Variants in CPS1 observed in about 807,000 individuals in gnomAD.
CPS1 encodes the protein carbamoyl-phosphate synthase [ammonia], mitochondrial.
CPS1 carries 109 observed loss-of-function variants against 174.6 expected under a neutral mutation model. That is an observed-to-expected ratio of 0.62 (90% confidence interval 0.53 to 0.73). The LOEUF is 0.73. Among genes scored for constraint, CPS1 ranks in the 30% least tolerant of loss-of-function variants. The probability of loss-of-function intolerance (pLI) is 0.00; values close to 1 mark genes in which losing one functional copy is unlikely to be tolerated. For missense variants in CPS1, 1,689 were observed against 1,821.9 expected, an observed-to-expected ratio of 0.93 and a Z score of 1.33; for synonymous variants, 637 against 632.0, an observed-to-expected ratio of 1.01 and a Z score of -0.12.
chr2:210,564,958 G>A (rs991076113), intron 1 of CPS1, among the ~76,000 whole-genome samples: 1 of 151,608 alleles, frequency 6.6e-6, no homozygotes, highest in Non-Finnish European at 1.5e-5. Flanking sequence ...TCATGCCACT[G>A]CACTCCAGCT....
intron 1 of CPS1, among the ~76,000 whole-genome samples, chr2:210,547,067 A>G (rs934911903): frequency 2.0e-5 from 3 of 152,102 alleles, no homozygotes; most frequent in Admixed American, 6.6e-5. Context: ...TTGAAGAGCC[A>G]TCTTGGCCTG....
intron 6 of CPS1, among the ~76,000 whole-genome samples, chr2:210,585,254 A>G (rs1027730463): frequency 2.6e-5 from 4 of 152,020 alleles, no homozygotes; most frequent in Non-Finnish European, 4.4e-5. Context: ...AAGCCAGTAA[A>G]TGGTAGTTAC....
rs777273892 is a variant in CPS1, at chr2:210,576,342, C to T, written c.237-4C>T. The T allele has an allele frequency of 1.9e-6, 3 of 1,613,246 alleles. No homozygotes were observed. The highest frequency in any genetic ancestry group is 2.5e-6 in the Non-Finnish European group (3 of 1,179,472). On this transcript the variant is annotated splice_polypyrimidine_tract_variant and splice_region_variant and intron_variant, in intron 2 of 37. Coordinates refer to ENST00000233072, the MANE Select transcript of CPS1 (RefSeq NM_001875.5). ...GCTGATAATTTTTTGGCATGTTTAC[C>T]CAGGTACCCAGAAGCTATTACTGAC...
chr2:210,501,016 C>T (rs1695124926), intron 1 of CPS1, among the ~76,000 whole-genome samples: 1 of 152,194 alleles, frequency 6.6e-6, no homozygotes, highest in Non-Finnish European at 1.5e-5. Flanking sequence ...TCTGCACCCA[C>T]AGGCTCAACA....
rs916389428 is a variant in CPS1 at position 210,595,586 on chromosome 2, A to G, written c.1359+4A>G. ...TCAAGCTGTAAAAGCCATGAAGGTG[A>G]GAGAATATGATCCTTACTAGAATTA... On this transcript the variant is annotated splice_donor_region_variant and intron_variant, in intron 13 of 37. Transcript: ENST00000233072. 1.3e-6 allele frequency: 2 copies of G among 1,588,436 alleles called. No homozygotes were observed. Among genetic ancestry groups the G allele is most frequent in the Admixed American group, 3.3e-5 (2 of 59,758 alleles).
intron 1 of CPS1, among the ~76,000 whole-genome samples, chr2:210,516,873 A>G (rs1386065061): frequency 6.6e-6 from 1 of 152,122 alleles, no homozygotes; most frequent in Middle Eastern, 3.4e-3. Flanking sequence ...TGATTCTTCA[A>G]TATTTTTCCA....
At chr2:210,554,248 TAC>T (rs1239160877), upstream of CPS1, among the ~76,000 whole-genome samples, 1 of 147,968 alleles carries the variant, frequency 6.8e-6, no homozygotes, top group Non-Finnish European at 1.5e-5. Flanking sequence ...TGTATATATA[TAC>T]ACACACATAT....
chr2:210,590,286 G>A (rs548645471), intron 8 of CPS1, 52 bp downstream of exon 8: 67 of 1,609,962 alleles, frequency 4.2e-5, no homozygotes, highest in Non-Finnish European at 5.3e-5. Flanking sequence ...GGGGGCTTCC[G>A]CTCTATACCC....
chr2:210,568,786 G>C (rs1277318795), intron 1 of CPS1, among the ~76,000 whole-genome samples: 1 of 151,982 alleles, frequency 6.6e-6, no homozygotes, highest in Non-Finnish European at 1.5e-5. Context: ...CGTTGCATTA[G>C]ATATCTACAT....
intron 1 of CPS1, among the ~76,000 whole-genome samples, chr2:210,541,031 C>G (rs1242430193): frequency 6.6e-6 from 1 of 152,106 alleles, no homozygotes; most frequent in Non-Finnish European, 1.5e-5. Flanking sequence ...AAAAGCAGAA[C>G]AAAACCCAGC....
intron 1 of CPS1, among the ~76,000 whole-genome samples, chr2:210,557,966 G>A (rs1477358022): frequency 2.6e-5 from 4 of 151,508 alleles, no homozygotes; most frequent in African/African-American, 7.3e-5. Context: ...AGGAATGGGA[G>A]TAAAAGAAAA....
At chr2:210,629,530 C>G (rs6743099) in intron 21 of CPS1, among the ~76,000 whole-genome samples, 11 of 150,966 alleles carry the variant, frequency 7.3e-5, no homozygotes, top group African/African-American at 2.7e-4. Flanking sequence ...TTAGCCAGGA[C>G]GGTCTTGATC....
chr2:210,593,732 T>C (rs1698387386), intron 11 of CPS1: 1 of 831,762 alleles, frequency 1.2e-6, no homozygotes, highest in Middle Eastern at 6.1e-4. Flanking sequence ...TACTCTCTCA[T>C]GTCTGAATTG....
chr2:210,479,953 G>C (rs543476800), intron 1 of CPS1, among the ~76,000 whole-genome samples: 2 of 152,208 alleles, frequency 1.3e-5, no homozygotes, highest in Non-Finnish European at 2.9e-5. Flanking sequence ...TATATTCTGA[G>C]GGCATTTTAG....
intron 1 of CPS1, among the ~76,000 whole-genome samples, chr2:210,549,233 A>T (rs1352993317): frequency 6.6e-6 from 1 of 152,026 alleles, no homozygotes; most frequent in African/African-American, 2.4e-5. Context: ...TTGCAAAATC[A>T]TTTGTTTACT....
intron 32 of CPS1, 33 bp downstream of exon 32, chr2:210,660,688 T>A: frequency 6.3e-7 from 1 of 1,579,526 alleles, no homozygotes; most frequent in South Asian, 1.1e-5. Context: ...AGTCATTTTA[T>A]GAGTTCTAGT....
chr2:210,658,406 G>A, intron 30 of CPS1, 193 bp from the exon 31 acceptor site: 1 of 544,312 alleles, frequency 1.8e-6, no homozygotes, highest in Non-Finnish European at 3.3e-6. Flanking sequence ...ATTATTTTGT[G>A]TGTATTTATT....
intron 1 of CPS1, among the ~76,000 whole-genome samples, chr2:210,546,044 A>C (rs1696556525): frequency 6.6e-6 from 1 of 151,918 alleles, no homozygotes; most frequent in Admixed American, 6.6e-5. Context: ...GTTATTCTTT[A>C]TTGTTCAATC....
At chr2:210,478,645 C>T (rs751979974) in intron 1 of CPS1, among the ~76,000 whole-genome samples, 35 of 152,168 alleles carry the variant, frequency 2.3e-4, no homozygotes, top group Non-Finnish European at 4.7e-4. Context: ...CTAATTGTGA[C>T]ACTGTGATTT....
Sources: allele counts gnomAD v4.1 joint callset (sites outside exome capture counted in the v4.1 genomes callset), GRCh38; gene constraint gnomAD v4.1.1; transcripts MANE v1.5; gene names NCBI Gene and HGNC (gene_info 2026-07-23, HGNC 2026-07-21).